GDAP1: variants seen among roughly 807,000 people sequenced by gnomAD.
GDAP1 encodes the protein ganglioside-induced differentiation-associated protein 1.
A neutral mutation model predicts 40.1 loss-of-function variants in GDAP1; 34 were observed. The ratio of observed to expected loss-of-function variants is 0.85; its 90% confidence interval spans 0.64 to 1.13. The LOEUF is 1.13. Ranked by LOEUF, GDAP1 falls within the 50% of genes most tolerant of loss-of-function variation. The pLI is 0.00. For missense variants in GDAP1, 374 were observed against 433.7 expected, an observed-to-expected ratio of 0.86 and a Z score of 1.22; for synonymous variants, 170 against 157.4, an observed-to-expected ratio of 1.08 and a Z score of -0.60.
rs191162118 is a variant in GDAP1, at chr8:74,352,519, T to C, written c.310+1053T>C. ...GTACTTAGAAGGAAAATGAGTATTA[T>C]TAGGCCTAGATGGTGGGCAGTGGCG... On this transcript the variant is annotated intron_variant, in intron 2 of 5. Coordinates refer to ENST00000220822, the MANE Select transcript of GDAP1 (RefSeq NM_018972.4). Among the ~76,000 whole-genome samples, 92 of 152,360 alleles carry C rather than the reference T, an allele frequency of 6.0e-4. 1 individual carries two copies. The East Asian group carries it at 0.016, about 26-fold the overall frequency.
chr8:74,354,725 CTG>C (rs2131502145), intron 2 of GDAP1, among the ~76,000 whole-genome samples: 1 of 152,314 alleles, frequency 6.6e-6, no homozygotes, highest in African/African-American at 2.4e-5. Context: ...TCTTTGAAAA[CTG>C]TAAATTTTGT....
chr8:74,450,266 C>T (rs1408555677), intron 2 of GDAP1, among the ~76,000 whole-genome samples: 1 of 151,574 alleles, frequency 6.6e-6, no homozygotes, highest in Non-Finnish European at 1.5e-5. Flanking sequence ...AAGATATAGT[C>T]CATCTTTGTG....
chr8:74,477,460 A>G (rs1287380778), intron 2 of GDAP1, among the ~76,000 whole-genome samples: 1 of 148,124 alleles, frequency 6.8e-6, no homozygotes, highest in Non-Finnish European at 1.5e-5. Flanking sequence ...TGTCCTTTGG[A>G]TGGTTTTTTT....
At chr8:74,423,538 A>G (rs1224294803) in intron 2 of GDAP1, among the ~76,000 whole-genome samples, 1 of 151,522 alleles carries the variant, frequency 6.6e-6, no homozygotes, top group Admixed American at 6.6e-5. Flanking sequence ...GACAGATCTA[A>G]TTCTCAATTT....
rs1312431834 is a variant in GDAP1 at position 74,443,761 on chromosome 8, T to TA, written c.166-44916dup. Among the ~76,000 whole-genome samples, 3 of 152,148 alleles carry TA rather than the reference T, an allele frequency of 2.0e-5. No homozygotes were observed. The East Asian group carries it at 5.8e-4, about 29-fold the overall frequency. On this transcript the variant is annotated intron_variant, in intron 2 of 2. Transcript: ENST00000523640. ...ACACCTGCAGGCTGGGAGGCTTCCT[T>TA]AGTCATTCTTTTTTCCACATTCTGG...
At chr8:74,459,023 A>G (rs1197708579) in intron 2 of GDAP1, among the ~76,000 whole-genome samples, 1 of 152,152 alleles carries the variant, frequency 6.6e-6, no homozygotes, top group African/African-American at 2.4e-5. Flanking sequence ...TGTTTCTGGT[A>G]ATTAGTTTGC....
At chr8:74,361,848 A>G (rs1325211266) in intron 3 of GDAP1, 36 bp from the exon 4 acceptor site, 6 of 1,185,850 alleles carry the variant, frequency 5.1e-6, no homozygotes, top group Non-Finnish European at 7.6e-6. Flanking sequence ...GAAGGGAGAA[A>G]ATAATTTTCT....
intron 2 of GDAP1, among the ~76,000 whole-genome samples, chr8:74,378,478 ACCCACAC>A (rs1809895705): frequency 6.6e-6 from 1 of 152,138 alleles, no homozygotes; most frequent in South Asian, 2.1e-4. Context: ...GGGGTGTGGA[ACCCACAC>A]TTCTTGCTTG....
downstream of GDAP1, chr8:74,366,893 C>A: frequency 2.5e-6 from 1 of 393,170 alleles, no homozygotes; most frequent in Non-Finnish European, 4.9e-6. Flanking sequence ...ACTTTGTAAT[C>A]TTTTTTGGAA....
chr8:74,482,110 G>GT (rs747515183), intron 2 of GDAP1, among the ~76,000 whole-genome samples: 50 of 64,982 alleles, frequency 7.7e-4, no homozygotes, highest in South Asian at 1.1e-3. Context: ...AAACTGAAGG[G>GT]TTTTTTTTTG....
Position 74,386,807 on chromosome 8 carries a change from G to C in GDAP1, c.165+35486G>C, listed in dbSNP as rs549388547. ...GCCATTTTCACAATATTGATTCTTC[G>C]TATCCATGAGCATGGAATATTTTTC... On this transcript the variant is annotated intron_variant, in intron 2 of 2. Transcript: ENST00000523640. Among the ~76,000 whole-genome samples, 13 of 152,156 alleles carry C rather than the reference G, an allele frequency of 8.5e-5. No homozygotes were observed. In the East Asian group the frequency reaches 1.2e-3, roughly 14 times the overall value.
chr8:74,437,223 T>A (rs1246448609), intron 2 of GDAP1, among the ~76,000 whole-genome samples: 1 of 152,236 alleles, frequency 6.6e-6, no homozygotes, highest in Non-Finnish European at 1.5e-5. Flanking sequence ...TTGAATTTTA[T>A]AGCTGTCTGA....
At chr8:74,423,665 A>G (rs1000324515) in intron 2 of GDAP1, among the ~76,000 whole-genome samples, 2 of 151,972 alleles carry the variant, frequency 1.3e-5, no homozygotes, top group Admixed American at 6.6e-5. Context: ...CAGATTTACT[A>G]TTATTGTCTA....
At chr8:74,405,150 G>A (rs972673293) in intron 2 of GDAP1, among the ~76,000 whole-genome samples, 3 of 150,080 alleles carry the variant, frequency 2.0e-5, no homozygotes, top group South Asian at 2.1e-4. Flanking sequence ...GCAAAAGGAC[G>A]TCATACATGG....
At chr8:74,446,116 G>A (rs1249726699) in intron 2 of GDAP1, among the ~76,000 whole-genome samples, 1 of 152,086 alleles carries the variant, frequency 6.6e-6, no homozygotes, top group Non-Finnish European at 1.5e-5. Flanking sequence ...TCTACTTCGG[G>A]GAGCTGGGTT....
intron 2 of GDAP1, among the ~76,000 whole-genome samples, chr8:74,408,753 C>T (rs868307301): frequency 3.3e-5 from 5 of 149,868 alleles, no homozygotes; most frequent in Non-Finnish European, 7.4e-5. Context: ...CTGCCCGAGC[C>T]CCTGTATTGA....
intron 2 of GDAP1, among the ~76,000 whole-genome samples, chr8:74,398,973 GC>G (rs1369869064): frequency 1.3e-5 from 2 of 151,980 alleles, no homozygotes; most frequent in African/African-American, 4.8e-5. Context: ...GAGGATTTTT[GC>G]ATCAATGTTC....
In GDAP1 at chr8:74,364,466, T is replaced by C; in HGVS notation, c.*99T>C. 7.4e-6 allele frequency: 9 copies of C among 1,211,762 alleles called. No homozygotes were observed. Among genetic ancestry groups the C allele is most frequent in the Non-Finnish European group, 9.7e-6 (8 of 827,566 alleles). 75.1% of individuals were successfully genotyped at this position (1,211,762 alleles called of 1,614,324 possible). Reference sequence around the variant, plus strand: ...GTCTGTCTTATTGAGTAGTTAGCAGTATTTTTTCCTAAAATTCAGAAGTCA... The same window carrying C: ...GTCTGTCTTATTGAGTAGTTAGCAGCATTTTTTCCTAAAATTCAGAAGTCA... On this transcript the variant is annotated 3_prime_UTR_variant, in exon 6 of 6. Transcript: ENST00000220822.
intron 2 of GDAP1, among the ~76,000 whole-genome samples, chr8:74,422,262 T>TTTTTC (rs1331778465): frequency 6.7e-6 from 1 of 150,074 alleles, no homozygotes; most frequent in Admixed American, 6.6e-5. Context: ...TCTTTCTTTC[T>TTTTTC]TTTTCTTTTC....
Sources: gnomAD v4.1 joint callset for allele counts (sites outside exome capture counted in the v4.1 genomes callset) on GRCh38, gnomAD v4.1.1 for gene constraint, MANE v1.5 for transcripts, NCBI Gene and HGNC (gene_info 2026-07-23, HGNC 2026-07-21) for gene names.